Variants in KIF26B observed in about 807,000 individuals in gnomAD.
The protein encoded by KIF26B is kinesin-like protein KIF26B.
A neutral mutation model predicts 151.2 loss-of-function variants in KIF26B; 63 were observed. That is an observed-to-expected ratio of 0.42 (90% CI 0.34 to 0.51). KIF26B has a LOEUF of 0.51. Ranked by LOEUF, KIF26B falls within the 20% of genes least tolerant of loss-of-function variation. The pLI, the probability that KIF26B is intolerant of heterozygous loss-of-function variation, is 0.07. For missense variants in KIF26B, 2,813 were observed against 2,913.6 expected, an observed-to-expected ratio of 0.97 and a Z score of 0.79; for synonymous variants, 1,357 against 1,262.1, an observed-to-expected ratio of 1.08 and a Z score of -1.59.
At chr1:245,336,459 C>G (rs941997653) in intron 2 of KIF26B, among the ~76,000 whole-genome samples, 1 of 152,186 alleles carries the variant, frequency 6.6e-6, no homozygotes, top group Non-Finnish European at 1.5e-5. Context: ...TGGTGAAGGT[C>G]GCAGTGACCT....
chr1:245,688,437 C>T lies in KIF26B; in HGVS notation c.5454C>T (p.Ala1818=). Reference sequence around the variant, plus strand: ...AGCTGCTGCAGGGTGGCGCGGGCGCCCGGGGCTTGCAGCTGCGGGCCGGGC... The same window carrying T: ...AGCTGCTGCAGGGTGGCGCGGGCGCTCGGGGCTTGCAGCTGCGGGCCGGGC... ...ISELLQGGAG[A]RGLQLRAGPE... is the part of the protein sequence containing the mutation. The change falls in exon 12 of 15, where the codon GCC becomes GCT. Residue 1818 remains alanine (A), a synonymous_variant. Coordinates refer to ENST00000407071, the MANE Select transcript of KIF26B (RefSeq NM_018012.4). 1 of 1,387,026 alleles carries T rather than the reference C, an allele frequency of 7.2e-7. No homozygotes were observed. The highest frequency in any genetic ancestry group is 1.7e-5 in the South Asian group (1 of 58,472). The allele number at this position is 1,387,026 out of a possible 1,614,324, so 85.9% of individuals were successfully genotyped here. A position where few individuals can be genotyped will look rare whatever the true frequency, so the allele number is the denominator to read the frequency against.
At chr1:245,592,276 C>T (rs560950341) in intron 5 of KIF26B, among the ~76,000 whole-genome samples, 8 of 152,312 alleles carry the variant, frequency 5.3e-5, no homozygotes, top group Admixed American at 3.9e-4. Context: ...AGGGTGCAGG[C>T]GCAGGCCCCA....
chr1:245,478,906 A>G (rs928257934), intron 4 of KIF26B, among the ~76,000 whole-genome samples: 1 of 151,742 alleles, frequency 6.6e-6, no homozygotes, highest in African/African-American at 2.4e-5. Context: ...ATAGCCAATA[A>G]AATTCTTGAT....
chr1:245,270,108 T>G (rs1670823636), intron 2 of KIF26B, among the ~76,000 whole-genome samples: 1 of 143,500 alleles, frequency 7.0e-6, no homozygotes, highest in South Asian at 2.3e-4. Flanking sequence ...AACACTTACT[T>G]TCTGCTGTTC....
rs186139427 is a variant in KIF26B, at chr1:245,185,819, G to T, written c.465+29136G>T. The stretch of plus-strand genomic sequence containing the variant: ...GCTGAGCTGGGTTCTAGTGATGCTG[G>T]CTACAACCTTGAGAGTTAAAGAAAA... On this transcript the variant is annotated intron_variant, in intron 2 of 14. Transcript: ENST00000407071. 3.3e-3 allele frequency among the ~76,000 whole-genome samples: 498 copies of T among 151,874 alleles called. 3 individuals are homozygous for T. Among genetic ancestry groups the T allele is most frequent in the Non-Finnish European group, 5.2e-3 (352 of 67,922 alleles).
chr1:245,313,696 G>C (rs749903427), intron 2 of KIF26B, among the ~76,000 whole-genome samples: 3 of 152,200 alleles, frequency 2.0e-5, no homozygotes, highest in Non-Finnish European at 4.4e-5. Context: ...CGGGAAGAAA[G>C]TCGCAGTGTT....
intron 10 of KIF26B, among the ~76,000 whole-genome samples, chr1:245,681,412 T>C (rs2044437587): frequency 6.6e-6 from 1 of 152,112 alleles, no homozygotes; most frequent in African/African-American, 2.4e-5. Context: ...GGTTTCACCG[T>C]GTTAGCCAGG....
intron 5 of KIF26B, among the ~76,000 whole-genome samples, chr1:245,553,291 C>T (rs1047904777): frequency 2.6e-5 from 4 of 152,162 alleles, no homozygotes; most frequent in African/African-American, 7.2e-5. Context: ...TGGAACCTGT[C>T]CTCTGGATGG....
At chr1:245,448,347 A>G (rs1174743612) in intron 4 of KIF26B, among the ~76,000 whole-genome samples, 3 of 152,250 alleles carry the variant, frequency 2.0e-5, no homozygotes, top group South Asian at 2.1e-4. Context: ...AGCTGGGACT[A>G]CAGGTGCACA....
intron 2 of KIF26B, among the ~76,000 whole-genome samples, chr1:245,329,190 T>C (rs1364138831): frequency 6.6e-6 from 1 of 152,222 alleles, no homozygotes; most frequent in African/African-American, 2.4e-5. Context: ...CTAGAGACTA[T>C]TTCCAAAGTG....
At chr1:245,621,686 T>C (rs1173065453) in intron 9 of KIF26B, among the ~76,000 whole-genome samples, 6 of 152,268 alleles carry the variant, frequency 3.9e-5, no homozygotes, top group Non-Finnish European at 4.4e-5. Flanking sequence ...GTTCATTTGC[T>C]GTGTAACTAC....
chr1:245,684,192 A>G (rs2044476206), intron 10 of KIF26B, 41 bp from the exon 11 acceptor site: 5 of 1,591,490 alleles, frequency 3.1e-6, no homozygotes, highest in Non-Finnish European at 4.3e-6. Context: ...GCCACAGGGA[A>G]GCATGGCCGC....
At chr1:245,348,029 T>C (rs1050276633) in intron 2 of KIF26B, among the ~76,000 whole-genome samples, 2 of 152,196 alleles carry the variant, frequency 1.3e-5, no homozygotes, top group African/African-American at 4.8e-5. Context: ...AAATGGTCAG[T>C]TCTCAGTCCT....
intron 10 of KIF26B, among the ~76,000 whole-genome samples, chr1:245,671,432 A>G (rs1440243108): frequency 2.0e-5 from 3 of 152,202 alleles, no homozygotes; most frequent in African/African-American, 7.2e-5. Flanking sequence ...GGCACAGGCA[A>G]ATTCATAGAG....
intron 2 of KIF26B, among the ~76,000 whole-genome samples, chr1:245,308,067 T>C (rs1405658453): frequency 6.6e-6 from 1 of 152,178 alleles, no homozygotes; most frequent in African/African-American, 2.4e-5. Flanking sequence ...TCTATTACTC[T>C]GAAATAATAG....
intron 2 of KIF26B, among the ~76,000 whole-genome samples, chr1:245,312,273 C>G (rs1272687842): frequency 1.3e-5 from 2 of 152,074 alleles, no homozygotes; most frequent in African/African-American, 4.8e-5. Context: ...ACTGATGGCC[C>G]GTGTCAGCTT....
chr1:245,636,451 T>C (rs2043835353), intron 9 of KIF26B, among the ~76,000 whole-genome samples: 2 of 152,110 alleles, frequency 1.3e-5, no homozygotes, highest in Admixed American at 1.3e-4. Context: ...ACACATGATA[T>C]TTTGATGCAT....
rs901994300 is a variant in KIF26B at position 245,241,452 on chromosome 1, C to T, written c.465+84769C>T. The stretch of plus-strand genomic sequence containing the variant: ...GAACTTGGAGCTGGGCACCAGCTGG[C>T]ACTGCTGTGTTCAGAGCATGGGAGG... On this transcript the variant is annotated intron_variant, in intron 2 of 14. Transcript: ENST00000407071. This position sits in a 1 kb window ranked among gnomAD's most constrained non-coding sequence, Gnocchi z 5.0. Among the ~76,000 whole-genome samples, 3 of 152,154 alleles carry T rather than the reference C, an allele frequency of 2.0e-5. No individual in the cohort carries two copies. The highest frequency in any genetic ancestry group is 4.4e-5 in the Non-Finnish European group (3 of 68,020).
intron 2 of KIF26B, among the ~76,000 whole-genome samples, chr1:245,248,610 A>G (rs1047889712): frequency 1.2e-4 from 18 of 152,224 alleles, no homozygotes; most frequent in African/African-American, 4.3e-4. Flanking sequence ...TAATGAGCCC[A>G]CGTGCTCTTC....
Sources: gnomAD v4.1 joint callset for allele counts (sites outside exome capture counted in the v4.1 genomes callset) on GRCh38, gnomAD v4.1.1 for gene constraint, Gnocchi (gnomAD v3.1) non-coding constraint, MANE v1.5 for transcripts, NCBI Gene and HGNC (gene_info 2026-07-23, HGNC 2026-07-21) for gene names.